The following ANKS6 variants were observed in gnomAD, a reference collection of about 807,000 sequenced individuals.
The protein encoded by ANKS6 is ankyrin repeat and sterile alpha motif domain containing 6, also known as ankyrin repeat and SAM domain-containing protein 6.
A neutral mutation model predicts 77.9 loss-of-function variants in ANKS6; 47 were observed. The observed-to-expected ratio is 0.60, with a 90% confidence interval of 0.48 to 0.77. The LOEUF (loss-of-function observed/expected upper bound fraction) is 0.77. ANKS6 is among the 30% of genes least tolerant of loss of function. The pLI is 0.00. For missense variants in ANKS6, 1,150 were observed against 1,159.1 expected (o/e 0.99, Z 0.11); for synonymous variants, 488 against 501.7 (o/e 0.97, Z 0.37).
rs762668514 is a variant in ANKS6 at position 98,790,296 on chromosome 9, C to T, written c.670G>A (p.Val224Met). 16 of 1,603,982 alleles carry T rather than the reference C, an allele frequency of 1.0e-5. No homozygotes were observed. Among genetic ancestry groups the T allele is most frequent in the East Asian group, 2.2e-5 (1 of 44,578 alleles). ...GCCAGCATCAGCGGGCTCCAGCCCACGGTCCGGGCTGCGTGGTTGGGGTCC... is the reference window on the plus strand; with the variant it reads ...GCCAGCATCAGCGGGCTCCAGCCCATGGTCCGGGCTGCGTGGTTGGGGTCC... ...GADPNHAART[V>M]GWSPLMLAAL... is the part of the protein sequence containing the mutation. Residue 224 changes from valine (V) to methionine (M), a missense_variant, in exon 2 of 15, where the codon GTG (valine) becomes ATG (methionine). Transcript: ENST00000353234.
chr9:98,790,007 A>G, intron 2 of ANKS6, 97 bp downstream of exon 2: 1 of 1,467,802 alleles, frequency 6.8e-7, no homozygotes, highest in South Asian at 1.4e-5. Flanking sequence ...CTGGACTCTG[A>G]GTTCTGCGTG....
intron 13 of ANKS6, 92 bp from the exon 14 acceptor site, chr9:98,745,767 G>A (rs747219548): frequency 7.6e-6 from 7 of 921,104 alleles, no homozygotes; most frequent in Non-Finnish European, 1.3e-5. Context: ...AGCTATGAGT[G>A]CTTATTAGTA....
chr9:98,778,095 G>T, intron 7 of ANKS6, 131 bp downstream of exon 7: 2 of 1,079,450 alleles, frequency 1.9e-6, no homozygotes, highest in Non-Finnish European at 2.6e-6. Context: ...CACCAGACCA[G>T]CCTCTATGCT....
chr9:98,759,826 C>T (rs1832913716), intron 11 of ANKS6, among the ~76,000 whole-genome samples: 1 of 152,096 alleles, frequency 6.6e-6, no homozygotes, highest in South Asian at 2.1e-4. Flanking sequence ...ACAGAGGATA[C>T]TAGAAGGTGG....
In ANKS6 at chr9:98,732,505, T is replaced by C. The variant is rs1247958285; in HGVS notation, c.*4014A>G. 1 of 1,550,586 alleles carries C rather than the reference T, an allele frequency of 6.4e-7. No individual in the cohort carries two copies. Among genetic ancestry groups the C allele is most frequent in the Non-Finnish European group, 8.7e-7 (1 of 1,146,990 alleles). ...CCAGCAGAGCCACCTGAGCGGCTGC[T>C]ACCTCTTGCCGGAGGCAGTTTCTTC... On this transcript the variant is annotated 3_prime_UTR_variant, in exon 15 of 15. Transcript: ENST00000353234.
chr9:98,748,516 G>C (rs936734276), intron 13 of ANKS6, among the ~76,000 whole-genome samples: 2 of 152,148 alleles, frequency 1.3e-5, no homozygotes, highest in Admixed American at 1.3e-4. Context: ...TGGTAAATGA[G>C]ATATAATAAA....
At chr9:98,758,825 G>T (rs1435426538) in intron 11 of ANKS6, among the ~76,000 whole-genome samples, 1 of 152,046 alleles carries the variant, frequency 6.6e-6, no homozygotes, top group African/African-American at 2.4e-5. Flanking sequence ...AAAATTTTTA[G>T]CCCATATCCT....
rs764385319 is a variant in ANKS6, at chr9:98,768,248, C to T, written c.1975G>A (p.Gly659Ser). 1.2e-6 allele frequency: 2 copies of T among 1,613,976 alleles called. No homozygotes were observed. Among genetic ancestry groups the T allele is most frequent in the East Asian group, 2.2e-5 (1 of 44,886 alleles). The stretch of plus-strand genomic sequence containing the variant: ...TGGGACAAGACATTGTCTATGCTGC[C>T]ACCTGAGGAAACACAAAATGAGTGA... The part of the protein sequence containing the change: ...HGGELLNRSG[G>S]SIDNVLSQIA... Residue 659 changes from glycine to serine, a missense_variant and splice_region_variant, in exon 11 of 15, where the codon GGC becomes AGC. Gly to Ser is a moderately conservative substitution (Grantham distance 56, BLOSUM62 0). Transcript: ENST00000353234.
chr9:98,750,933 GATCA>G (rs1329570074), intron 13 of ANKS6, 92 bp downstream of exon 13: 3 of 944,038 alleles, frequency 3.2e-6, no homozygotes, highest in African/African-American at 1.7e-5. Flanking sequence ...CAGTGCAAGA[GATCA>G]ATCTAGGCTT....
chr9:98,767,511 C>A (rs1336511312), intron 11 of ANKS6, among the ~76,000 whole-genome samples: 2 of 152,204 alleles, frequency 1.3e-5, no homozygotes, highest in Non-Finnish European at 2.9e-5. Flanking sequence ...TGCCTGTGTC[C>A]TTAGAGCGGT....
chr9:98,770,796 C>A, intron 10 of ANKS6, 100 bp downstream of exon 10: 1 of 1,212,594 alleles, frequency 8.2e-7, no homozygotes, highest in South Asian at 4.0e-5. Flanking sequence ...CTTGCGTGGT[C>A]ATTTCTGCGA....
intron 1 of ANKS6, among the ~76,000 whole-genome samples, chr9:98,794,651 G>A (rs1189309382): frequency 6.6e-6 from 1 of 152,120 alleles, no homozygotes; most frequent in Non-Finnish European, 1.5e-5. Flanking sequence ...ATGATCTGGG[G>A]TCTCTGAGAC....
In ANKS6 at chr9:98,736,108, G is replaced by C; in HGVS notation, c.*411C>G. 8.7e-7 allele frequency: 1 copy of C among 1,150,248 alleles called. No individual in the cohort carries two copies. The highest frequency in any genetic ancestry group is 1.1e-6 in the Non-Finnish European group (1 of 934,272). 71.3% of individuals were successfully genotyped at this position (1,150,248 alleles called of 1,614,324 possible). Reference sequence around the variant, plus strand: ...GCCACATGACTACCAGTGGCCAAGAGGACGTGAGCAGGAGTGATGTGTGTC... The same window carrying C: ...GCCACATGACTACCAGTGGCCAAGACGACGTGAGCAGGAGTGATGTGTGTC... On this transcript the variant is annotated 3_prime_UTR_variant, in exon 15 of 15. Transcript: ENST00000353234.
intron 14 of ANKS6, among the ~76,000 whole-genome samples, chr9:98,744,095 T>C (rs928211843): frequency 4.6e-5 from 7 of 152,250 alleles, no homozygotes; most frequent in Non-Finnish European, 7.3e-5. Flanking sequence ...TCCCTATATG[T>C]AAAGTGAGGT....
Position 98,732,423 on chromosome 9 carries a change from C to A in ANKS6, c.*4096G>T. ...ATCCAGTGACAGCAAGACCCAGAGT[C>A]AGGCACATTTGGAGGGCAGGTCCAT... On this transcript the variant is annotated 3_prime_UTR_variant, in exon 15 of 15. Transcript: ENST00000353234. The A allele has an allele frequency of 6.9e-7, 1 of 1,451,394 alleles. No individual in the cohort carries two copies. Among genetic ancestry groups the A allele is most frequent in the South Asian group, 1.2e-5 (1 of 81,146 alleles). 89.9% of individuals were successfully genotyped at this position (1,451,394 alleles called of 1,614,324 possible). A position where few individuals can be genotyped will look rare whatever the true frequency, so the allele number is the denominator to read the frequency against.
intron 12 of ANKS6, among the ~76,000 whole-genome samples, chr9:98,755,241 G>C (rs1832631679): frequency 6.6e-6 from 1 of 152,142 alleles, no homozygotes; most frequent in Non-Finnish European, 1.5e-5. Flanking sequence ...CTCCTCAGCA[G>C]CTGCAGCGAA....
At chr9:98,760,502 A>C (rs928377484) in intron 11 of ANKS6, among the ~76,000 whole-genome samples, 8 of 152,218 alleles carry the variant, frequency 5.3e-5, no homozygotes, top group African/African-American at 1.7e-4. Flanking sequence ...TCATTAGCAC[A>C]CAAAATGACA....
chr9:98,757,588 G>A (rs1233562529), intron 11 of ANKS6, among the ~76,000 whole-genome samples: 1 of 152,092 alleles, frequency 6.6e-6, no homozygotes, highest in Non-Finnish European at 1.5e-5. Context: ...CTTACATGAG[G>A]GGATGTCTGC....
At chr9:98,789,534 G>A (rs1409185417) in intron 2 of ANKS6, among the ~76,000 whole-genome samples, 2 of 152,008 alleles carry the variant, frequency 1.3e-5, no homozygotes, top group Non-Finnish European at 2.9e-5. Context: ...GGCAGAGGAG[G>A]TCAGGCACAC....
Sources: gnomAD v4.1 joint callset for allele counts (sites outside exome capture counted in the v4.1 genomes callset) on GRCh38, gnomAD v4.1.1 for gene constraint, MANE v1.5 for transcripts, NCBI Gene and HGNC (gene_info 2026-07-23, HGNC 2026-07-21) for gene names.